The following SYNE2 variants were observed in gnomAD, a reference collection of about 807,000 sequenced individuals.
The protein encoded by SYNE2 is nesprin-2.
Under a neutral mutation model 856.3 loss-of-function variants are expected in SYNE2, and 431 were observed. The observed-to-expected ratio is 0.50, with a 90% CI of 0.47 to 0.55. The LOEUF (loss-of-function observed/expected upper bound fraction) is 0.55, where lower values mean the gene tolerates loss of function less well. SYNE2 is among the 20% of genes least tolerant of loss of function. SYNE2 has a pLI of 0.00. For synonymous variants in SYNE2, 2,923 were observed against 2,872.3 expected (o/e 1.02, Z -0.56); for missense variants, 8,129 against 8,023.2 (o/e 1.01, Z -0.50).
At chr14:64,211,026 G>C (rs965922065) in intron 103 of SYNE2, among the ~76,000 whole-genome samples, 2 of 152,112 alleles carry the variant, frequency 1.3e-5, no homozygotes, top group African/African-American at 2.4e-5. Context: ...CTGTTGCCCA[G>C]GCTGGAGTGC....
At chr14:64,156,752 C>T (rs1247305550) in intron 85 of SYNE2, among the ~76,000 whole-genome samples, 1 of 152,248 alleles carries the variant, frequency 6.6e-6, no homozygotes, top group African/African-American at 2.4e-5. Context: ...AGCCACCACA[C>T]CTGGCCGCCT....
At chr14:63,965,900 A>G (rs920773233) in intron 10 of SYNE2, among the ~76,000 whole-genome samples, 1 of 152,202 alleles carries the variant, frequency 6.6e-6, no homozygotes, top group Non-Finnish European at 1.5e-5. Flanking sequence ...CTGAAAGTGT[A>G]TTGTTCTCAC....
Position 64,224,535 on chromosome 14 carries a change from T to A in SYNE2, c.20457T>A (p.Ala6819=), listed in dbSNP as rs1191979980. The A allele has an allele frequency of 6.2e-7, 1 of 1,614,050 alleles. No homozygotes were observed. Among genetic ancestry groups the A allele is most frequent in the Non-Finnish European group, 8.5e-7 (1 of 1,179,990 alleles). ...GDQPPATSVP[A]PRAKFRAVRT... is the part of the protein sequence containing the mutation. ...AGCCTCCTGCAACATCCGTGCCAGC[T>A]CCCCGAGCAAAGGTAAGAAGCCCCT... Residue 6819 remains alanine (A), a synonymous_variant, in exon 114 of 116, where the codon GCT becomes GCA. Coordinates refer to ENST00000555002, the MANE Select transcript of SYNE2 (RefSeq NM_182914.3).
intron 1 of SYNE2, among the ~76,000 whole-genome samples, chr14:63,814,270 A>T (rs918199625): frequency 6.7e-6 from 1 of 149,334 alleles, no homozygotes; most frequent in Non-Finnish European, 1.5e-5. Context: ...GCTCTGTCTT[A>T]AAAAAAAACA....
chr14:64,175,682 T>G (rs922763168), intron 95 of SYNE2, among the ~76,000 whole-genome samples: 4 of 152,206 alleles, frequency 2.6e-5, no homozygotes, highest in Non-Finnish European at 5.9e-5. Flanking sequence ...TTTATCATTT[T>G]TCTTTCTCTC....
intron 90 of SYNE2, 108 bp downstream of exon 90, chr14:64,165,518 A>AATTTTTT: frequency 9.6e-7 from 1 of 1,037,792 alleles, no homozygotes; most frequent in Non-Finnish European, 1.4e-6. Flanking sequence ...ACTCACTCTT[A>AATTTTTT]TTTTTTTTTT....
intron 63 of SYNE2, 101 bp downstream of exon 63, chr14:64,098,922 A>G: frequency 8.7e-7 from 1 of 1,155,670 alleles, no homozygotes; most frequent in Non-Finnish European, 1.3e-6. Context: ...GAATTTTTAA[A>G]ATTAATGTTG....
intron 96 of SYNE2, among the ~76,000 whole-genome samples, chr14:64,184,028 A>C (rs1031136466): frequency 1.3e-5 from 2 of 151,808 alleles, no homozygotes; most frequent in African/African-American, 4.8e-5. Context: ...GACAGGCATG[A>C]TTGTTGACAT....
intron 6 of SYNE2, among the ~76,000 whole-genome samples, chr14:63,947,110 A>G (rs141553100): frequency 6.6e-6 from 1 of 152,120 alleles, no homozygotes; most frequent in East Asian, 1.9e-4. Flanking sequence ...TTGGCCTCCC[A>G]AAGTGCTGGG....
chr14:64,109,482 G>A (rs751915225), intron 65 of SYNE2, among the ~76,000 whole-genome samples: 8 of 152,120 alleles, frequency 5.3e-5, no homozygotes, highest in Non-Finnish European at 1.0e-4. Context: ...CTAGTAAGTG[G>A]CAAAGCTAGG....
chr14:63,950,117 C>T lies in SYNE2; in HGVS notation c.590+111C>T, dbSNP rs931128064. 6.0e-5 allele frequency: 72 copies of T among 1,202,244 alleles called. 3 individuals are homozygous for T. In the South Asian group the frequency reaches 8.6e-4, roughly 14 times the overall value. The allele number at this position is 1,202,244 out of a possible 1,614,324, so 74.5% of individuals were successfully genotyped here. A position where few individuals can be genotyped will look rare whatever the true frequency, so the allele number is the denominator to read the frequency against. On this transcript the variant is annotated intron_variant, in intron 7 of 115. Coordinates refer to ENST00000555002, the MANE Select transcript of SYNE2 (RefSeq NM_182914.3). ...TAACATGAAAATTCTCACTATCCCC[C>T]TTCCTCTCTGTGCTTCTTCCATACG...
chr14:63,850,933 TGAATA>T (rs1890388130), upstream of SYNE2, among the ~76,000 whole-genome samples: 1 of 152,130 alleles, frequency 6.6e-6, no homozygotes. Flanking sequence ...AGAATGGAAA[TGAATA>T]GAACCGAGAA....
chr14:63,946,483 A>G (rs1277077263), intron 6 of SYNE2, among the ~76,000 whole-genome samples: 4 of 131,942 alleles, frequency 3.0e-5, no homozygotes, highest in Non-Finnish European at 6.4e-5. Flanking sequence ...ATACACAGAC[A>G]TACACATATA....
intron 7 of SYNE2, among the ~76,000 whole-genome samples, chr14:63,954,445 G>C (rs2096213998): frequency 6.6e-6 from 1 of 152,032 alleles, no homozygotes; most frequent in Admixed American, 6.6e-5. Context: ...TATGGGATTC[G>C]GCCTGAGAAT....
intron 2 of SYNE2, among the ~76,000 whole-genome samples, chr14:63,915,071 G>A (rs1234925069): frequency 6.6e-6 from 1 of 152,228 alleles, no homozygotes; most frequent in African/African-American, 2.4e-5. Flanking sequence ...GAGCCACTGT[G>A]CCTGGCCTAT....
At chr14:64,050,017 A>G (rs952024277) in intron 47 of SYNE2, 141 bp downstream of exon 47, 3 of 1,081,620 alleles carry the variant, frequency 2.8e-6, no homozygotes, top group African/African-American at 1.6e-5. Context: ...GTTATTTCAT[A>G]TGGATGCTGT....
intron 56 of SYNE2, 27 bp downstream of exon 56, chr14:64,080,665 A>T (rs2097513540): frequency 1.2e-6 from 2 of 1,612,184 alleles, no homozygotes; most frequent in Admixed American, 3.3e-5. Flanking sequence ...TAATAGCTTC[A>T]TATCATGTGG....
rs1486358264 is a variant in SYNE2 at position 63,902,375 on chromosome 14, C to T, written c.-51-6723C>T. Among the ~76,000 whole-genome samples, 4 of 126,572 alleles carry T rather than the reference C, an allele frequency of 3.2e-5. No individual in the cohort carries two copies. The East Asian group carries it at 9.1e-4, about 29-fold the overall frequency. 83.0% of individuals were successfully genotyped at this position (126,572 alleles called of 152,430 possible). ...GCAGTGAGCCGAGATTGCACCACTG[C>T]ACTCCAGCCTGGGTGACAGAACGAG... On this transcript the variant is annotated intron_variant, in intron 1 of 115. Transcript: ENST00000555002.
chr14:64,180,609 T>C (rs1157398547), intron 96 of SYNE2, among the ~76,000 whole-genome samples: 1 of 152,044 alleles, frequency 6.6e-6, no homozygotes, highest in Non-Finnish European at 1.5e-5. Flanking sequence ...GTTCAAGGGA[T>C]TCCCCTGCCT....
Sources: allele counts gnomAD v4.1 joint callset (sites outside exome capture counted in the v4.1 genomes callset), GRCh38; gene constraint gnomAD v4.1.1; transcripts MANE v1.5; gene names NCBI Gene and HGNC (gene_info 2026-07-23, HGNC 2026-07-21).